Variants in DDX24 observed in about 807,000 individuals in gnomAD.
DDX24 encodes the protein DEAD-box helicase 24, also known as ATP-dependent RNA helicase DDX24.
DDX24 carries 24 observed loss-of-function variants against 68.9 expected under a neutral mutation model. The observed-to-expected ratio is 0.35, with a 90% CI of 0.25 to 0.49. DDX24 has a LOEUF of 0.49. DDX24 is among the 20% of genes least tolerant of loss of function. The pLI, the probability that DDX24 is intolerant of heterozygous loss-of-function variation, is 0.99. For missense variants in DDX24, 989 were observed against 1,039.0 expected, an observed-to-expected ratio of 0.95 and a Z score of 0.66; for synonymous variants, 395 against 385.2, an observed-to-expected ratio of 1.03 and a Z score of -0.30.
chr14:94,070,862 A>C (rs1294732652), intron 2 of DDX24, among the ~76,000 whole-genome samples: 1 of 152,246 alleles, frequency 6.6e-6, no homozygotes, highest in Non-Finnish European at 1.5e-5. Flanking sequence ...AATCCACTCA[A>C]GATGGATTAA....
At chr14:94,054,531 C>G (rs1392126269) in intron 7 of DDX24, among the ~76,000 whole-genome samples, 1 of 152,228 alleles carries the variant, frequency 6.6e-6, no homozygotes, top group Non-Finnish European at 1.5e-5. Context: ...GAACCCACCC[C>G]ACTTTGGTCA....
intron 2 of DDX24, among the ~76,000 whole-genome samples, chr14:94,074,361 A>G (rs1885893780): frequency 6.6e-6 from 1 of 152,250 alleles, no homozygotes; most frequent in Non-Finnish European, 1.5e-5. Flanking sequence ...AAATATAATT[A>G]GAATAGTATA....
chr14:94,051,138 G>A lies in DDX24; in HGVS notation c.*53C>T. ...GAAACACAAGGGTGGGAGAGGTTTT[G>A]CAAATAGCCAGAGAACAGAAACCAA... On this transcript the variant is annotated 3_prime_UTR_variant, in exon 9 of 9. Transcript: ENST00000621632. The A allele has an allele frequency of 1.4e-6, 2 of 1,479,274 alleles. No homozygotes were observed. Among genetic ancestry groups the A allele is most frequent in the Non-Finnish European group, 1.8e-6 (2 of 1,116,752 alleles). The allele number at this position is 1,479,274 out of a possible 1,614,324, so 91.6% of individuals were successfully genotyped here.
At chr14:94,068,352 C>T (rs967428611) in intron 2 of DDX24, among the ~76,000 whole-genome samples, 4 of 152,096 alleles carry the variant, frequency 2.6e-5, no homozygotes, top group African/African-American at 9.7e-5. Context: ...TGGAGCTCAC[C>T]AATTTACGAA....
rs888260911 is a variant in DDX24, at chr14:94,051,594, A to G, written c.2309-132T>C. 5.6e-6 allele frequency: 7 copies of G among 1,257,032 alleles called. No individual in the cohort carries two copies. The African/African-American group carries it at 1.1e-4, about 19-fold the overall frequency. The allele number at this position is 1,257,032 out of a possible 1,614,324, so 77.9% of individuals were successfully genotyped here. ...GGCAGGGTTCAAAAGTTCTCTGAAG[A>G]AGCTAGTGGTGGCTTGGCAGGGGCT... is the stretch of plus-strand genomic sequence containing the variant. On this transcript the variant is annotated intron_variant, in intron 8 of 8. Coordinates refer to ENST00000621632, the MANE Select transcript of DDX24 (RefSeq NM_020414.4).
chr14:94,063,566 G>A (rs1233581786), intron 2 of DDX24, among the ~76,000 whole-genome samples: 2 of 152,198 alleles, frequency 1.3e-5, no homozygotes, highest in Non-Finnish European at 2.9e-5. Flanking sequence ...AACATAAAAT[G>A]AAAATCTGGA....
At chr14:94,071,893 C>T (rs921287884) in intron 2 of DDX24, among the ~76,000 whole-genome samples, 53 of 151,946 alleles carry the variant, frequency 3.5e-4, no homozygotes, top group Non-Finnish European at 6.6e-4. Flanking sequence ...TGCAGTGAGC[C>T]GAGATTGCGC....
At chr14:94,061,124 T>C (rs1412050491) in intron 3 of DDX24, 58 bp from the exon 4 acceptor site, 4 of 1,592,888 alleles carry the variant, frequency 2.5e-6, no homozygotes, top group Non-Finnish European at 3.4e-6. Context: ...TTTTCTTACA[T>C]GGCTGACACA....
intron 7 of DDX24, 69 bp from the exon 8 acceptor site, chr14:94,053,196 T>TAG: frequency 6.2e-7 from 1 of 1,604,338 alleles, no homozygotes; most frequent in South Asian, 1.1e-5. Context: ...AAGTCTCACT[T>TAG]GAGTTGTGTT....
intron 7 of DDX24, among the ~76,000 whole-genome samples, chr14:94,054,378 C>T (rs973426033): frequency 8.5e-5 from 13 of 152,158 alleles, no homozygotes; most frequent in Non-Finnish European, 1.6e-4. Flanking sequence ...GGAATTCCAC[C>T]TCCTCTGTAC....
chr14:94,065,809 G>A (rs35050131), intron 2 of DDX24, among the ~76,000 whole-genome samples: 47,412 of 151,188 alleles, frequency 0.31, 7,642 homozygotes, highest in Admixed American at 0.38. Context: ...AGAGCTGAGC[G>A]AAATACAGGG....
At chr14:94,070,270 C>CA (rs1162297257) in intron 2 of DDX24, among the ~76,000 whole-genome samples, 2,724 of 138,134 alleles carry the variant, frequency 0.02, 65 homozygotes, top group African/African-American at 0.059. Context: ...AAAATGGTTG[C>CA]AAAAAAAAAA....
chr14:94,065,267 T>C (rs886754435), intron 2 of DDX24, among the ~76,000 whole-genome samples: 3 of 151,792 alleles, frequency 2.0e-5, no homozygotes, highest in African/African-American at 7.3e-5. Flanking sequence ...TTGGCCAGGA[T>C]GGTCTCTATC....
At chr14:94,068,492 C>T (rs2141431256) in intron 2 of DDX24, among the ~76,000 whole-genome samples, 1 of 152,284 alleles carries the variant, frequency 6.6e-6, no homozygotes, top group South Asian at 2.1e-4. Context: ...TCGATTTAAA[C>T]TATACCTTGG....
rs1218756532 is a variant in DDX24, at chr14:94,048,620, G to T, written c.*2571C>A. 1 of 152,216 alleles carries T rather than the reference G, an allele frequency of 6.6e-6. No homozygotes were observed. Among genetic ancestry groups the T allele is most frequent in the Non-Finnish European group, 1.5e-5 (1 of 68,054 alleles). 9.4% of individuals were successfully genotyped at this position (152,216 alleles called of 1,614,324 possible). A position where few individuals can be genotyped will look rare whatever the true frequency, so the allele number is the denominator to read the frequency against. ...AGCTATTATACCTGACACACTCATC[G>T]TATGGGCTCTGCAAAGGGATATTCC... On this transcript the variant is annotated 3_prime_UTR_variant, in exon 9 of 9. Transcript: ENST00000621632.
At chr14:94,071,870 G>A (rs35470645) in intron 2 of DDX24, among the ~76,000 whole-genome samples, 47,407 of 151,856 alleles carry the variant, frequency 0.31, 7,526 homozygotes, top group Admixed American at 0.38. Context: ...ACTTGAACCC[G>A]GGAGGCAGAG....
At chr14:94,077,301 C>A (rs28657608) in intron 2 of DDX24, among the ~76,000 whole-genome samples, 5 of 152,168 alleles carry the variant, frequency 3.3e-5, no homozygotes, top group Non-Finnish European at 7.3e-5. Context: ...TTATCCAAGT[C>A]GTTTTGAATT....
intron 1 of DDX24, among the ~76,000 whole-genome samples, chr14:94,080,564 G>T (rs1886053567): frequency 6.6e-6 from 1 of 152,016 alleles, no homozygotes; most frequent in African/African-American, 2.4e-5. Context: ...GAAAAACGAG[G>T]ACATCTGTCC....
chr14:94,060,587 C>G lies in DDX24; in HGVS notation c.1424G>C (p.Arg475Pro), dbSNP rs373668422. 7.4e-6 allele frequency: 12 copies of G among 1,613,804 alleles called. No individual in the cohort carries two copies. Among genetic ancestry groups the G allele is most frequent in the Non-Finnish European group, 9.3e-6 (11 of 1,179,780 alleles). ...AGCAAAATGGCCTTTCTCAACCATC[C>G]GGTCAGCCTCATCCACTACCAGGCA... ...LRCLVVDEAD[R>P]MVEKGHFAEL... Residue 475 changes from arginine (R) to proline (P), a missense_variant, in exon 5 of 9, where the codon CGG becomes CCG. Arg to Pro is a moderately radical substitution (Grantham distance 103, BLOSUM62 -2). This residue lies in a region of DDX24 where 691 missense variants were observed against 760.0 expected (regional missense o/e 0.91). Transcript: ENST00000621632.
Sources: gnomAD v4.1 joint callset for allele counts (sites outside exome capture counted in the v4.1 genomes callset) on GRCh38, gnomAD v4.1.1 for gene constraint, gnomAD v4.1.1 regional missense constraint, MANE v1.5 for transcripts, NCBI Gene and HGNC (gene_info 2026-07-23, HGNC 2026-07-21) for gene names.